The following ECPAS variants were observed in gnomAD, a reference collection of about 807,000 sequenced individuals.
ECPAS encodes Ecm29 proteasome adaptor and scaffold, also known as proteasome adapter and scaffold protein ECM29.
ECPAS carries 70 observed loss-of-function variants against 255.1 expected under a neutral mutation model. That is an observed-to-expected ratio of 0.27 (90% CI 0.23 to 0.33). The LOEUF (loss-of-function observed/expected upper bound fraction) is 0.33. ECPAS is among the 10% of genes least tolerant of loss of function. ECPAS has a pLI of 1.00. For synonymous variants in ECPAS, 784 were observed against 775.0 expected (o/e 1.01, Z -0.19); for missense variants, 1,817 against 2,206.4 (o/e 0.82, Z 3.54).
chr9:111,371,940 G>T, intron 42 of ECPAS, 111 bp from the exon 43 acceptor site: 1 of 737,404 alleles, frequency 1.4e-6, no homozygotes, highest in Non-Finnish European at 2.2e-6. Flanking sequence ...ACTCTCAACT[G>T]TTAAAACACA....
chr9:111,425,555 A>G, intron 11 of ECPAS, 59 bp from the exon 12 acceptor site: 1 of 1,208,346 alleles, frequency 8.3e-7, no homozygotes, highest in South Asian at 1.5e-5. Context: ...ACATATCTTT[A>G]CGGATGATTA....
intron 1 of ECPAS, among the ~76,000 whole-genome samples, chr9:111,481,618 A>G (rs2098305370): frequency 6.6e-6 from 1 of 152,242 alleles, no homozygotes; most frequent in African/African-American, 2.4e-5. Flanking sequence ...AAAGAACTGA[A>G]AGCAAGGTCT....
chr9:111,407,148 T>A lies in ECPAS; in HGVS notation c.2652+1423A>T, dbSNP rs2098185175. 6.2e-5 allele frequency among the ~76,000 whole-genome samples: 9 copies of A among 145,246 alleles called. 1 individual carries two copies. The highest frequency in any genetic ancestry group is 5.4e-4 in the Admixed American group (8 of 14,754). ...TGGGTGCAGTGGTTCACATCTGTAATCCCAGCACTTTGGGAGGCCGAGGTG... is the reference window on the plus strand; with the variant it reads ...TGGGTGCAGTGGTTCACATCTGTAAACCCAGCACTTTGGGAGGCCGAGGTG... On this transcript the variant is annotated intron_variant, in intron 24 of 49. Transcript: ENST00000684092.
At chr9:111,459,671 TAC>T (rs1477423344) in intron 2 of ECPAS, among the ~76,000 whole-genome samples, 2 of 152,200 alleles carry the variant, frequency 1.3e-5, no homozygotes, top group Non-Finnish European at 2.9e-5. Context: ...CATAACTTAG[TAC>T]AAAGTCATAA....
chr9:111,384,494 C>G, intron 34 of ECPAS, 28 bp downstream of exon 34: 1 of 1,604,426 alleles, frequency 6.2e-7, no homozygotes. Flanking sequence ...TGCTCCACTC[C>G]ATTCCCAATG....
At chr9:111,481,081 A>G (rs2098304225) in intron 1 of ECPAS, among the ~76,000 whole-genome samples, 1 of 152,192 alleles carries the variant, frequency 6.6e-6, no homozygotes, top group African/African-American at 2.4e-5. Context: ...AAATCAGACC[A>G]CCTCACACCC....
chr9:111,471,391 G>C (rs982398621), intron 2 of ECPAS, among the ~76,000 whole-genome samples: 3 of 152,122 alleles, frequency 2.0e-5, no homozygotes, highest in Non-Finnish European at 4.4e-5. Flanking sequence ...GTTGAATTCT[G>C]GTTTTAAAAT....
chr9:111,371,145 C>T (rs1357957781), intron 43 of ECPAS, among the ~76,000 whole-genome samples: 1 of 129,672 alleles, frequency 7.7e-6, no homozygotes, highest in Non-Finnish European at 1.8e-5. Context: ...ATGTTCCCCA[C>T]TGAGTGTTCA....
chr9:111,412,028 T>C lies in ECPAS; in HGVS notation c.2200A>G (p.Thr734Ala), dbSNP rs1043254963. The C allele has an allele frequency of 1.3e-6, 2 of 1,562,642 alleles. No individual in the cohort carries two copies. The highest frequency in any genetic ancestry group is 1.7e-6 in the Non-Finnish European group (2 of 1,164,192). Residue 734 changes from threonine to alanine, a missense_variant, in exon 21 of 50, where the codon ACA becomes GCA. By Grantham distance (58) the Thr-to-Ala change is moderately conservative. Around this residue, in one of 4 missense-constraint regions of ECPAS, gnomAD observed 194 missense variants for 152.8 expected, o/e 1.27. Transcript: ENST00000684092. ...KSMIEQLIKT[T>A]KDNHSPEIQH... ...AAATAACATACGTGATTGTCTTTTG[T>C]AGTCTTTATAAGCTGTTCTATCATT...
At chr9:111,378,869 CTTT>C (rs1002733428) in intron 35 of ECPAS, 139 bp from the exon 36 acceptor site, 2 of 727,466 alleles carry the variant, frequency 2.7e-6, no homozygotes, top group Admixed American at 7.3e-5. Context: ...CTGGGCATTA[CTTT>C]TTTTAACTTT....
chr9:111,368,453 C>T (rs1227137036), intron 46 of ECPAS, among the ~76,000 whole-genome samples: 3 of 152,170 alleles, frequency 2.0e-5, no homozygotes, highest in African/African-American at 7.2e-5. Flanking sequence ...ACTCGTCTAT[C>T]AAACTATCTG....
chr9:111,413,721 T>C (rs1688413737), intron 20 of ECPAS, among the ~76,000 whole-genome samples, 174 bp downstream of exon 20: 1 of 152,126 alleles, frequency 6.6e-6, no homozygotes, highest in Non-Finnish European at 1.5e-5. Context: ...TCCAGATGTG[T>C]CAATGAGACA....
chr9:111,417,823 T>A, intron 17 of ECPAS, 60 bp downstream of exon 17: 1 of 1,421,552 alleles, frequency 7.0e-7, no homozygotes, highest in African/African-American at 1.5e-5. Flanking sequence ...ACTTTAAAGA[T>A]GTTTTTATTT....
intron 2 of ECPAS, among the ~76,000 whole-genome samples, chr9:111,470,686 T>C (rs1298956085): frequency 6.7e-6 from 1 of 149,190 alleles, no homozygotes; most frequent in Non-Finnish European, 1.5e-5. Flanking sequence ...CCCTCCCTGA[T>C]CATATTGCTT....
At chr9:111,387,623 A>T (rs565315990) in intron 31 of ECPAS, among the ~76,000 whole-genome samples, 1 of 151,376 alleles carries the variant, frequency 6.6e-6, no homozygotes, top group Non-Finnish European at 1.5e-5. Context: ...CCATCAGTGC[A>T]GTTACTGAGA....
At chr9:111,363,373 AATAAT>A (rs1191517475) in intron 49 of ECPAS, among the ~76,000 whole-genome samples, 4 of 152,196 alleles carry the variant, frequency 2.6e-5, no homozygotes, top group African/African-American at 7.2e-5. Flanking sequence ...ACTATAGCTT[AATAAT>A]ATATTAAAAA....
rs201892482 is a variant in ECPAS, at chr9:111,363,699, A to G, written c.5309-40T>C. 4.0e-5 allele frequency: 37 copies of G among 915,954 alleles called. No homozygotes were observed. The African/African-American group carries it at 5.6e-4, about 14-fold the overall frequency. The allele number at this position is 915,954 out of a possible 1,614,324, so 56.7% of individuals were successfully genotyped here. ...CATACAGTTCATATGGCCTGCCTGAAAAACACAACCTCCAAGATTAAATTT... is the reference window on the plus strand; with the variant it reads ...CATACAGTTCATATGGCCTGCCTGAGAAACACAACCTCCAAGATTAAATTT... On this transcript the variant is annotated intron_variant, in intron 48 of 49. Transcript: ENST00000684092.
At chr9:111,366,126 CCA>C in intron 48 of ECPAS, 111 bp downstream of exon 48, 1 of 675,786 alleles carries the variant, frequency 1.5e-6, no homozygotes, top group Non-Finnish European at 2.6e-6. Context: ...GTAGCAGAGT[CCA>C]GTAGCTATTT....
intron 24 of ECPAS, among the ~76,000 whole-genome samples, chr9:111,404,374 G>C (rs1208268898): frequency 1.3e-5 from 2 of 149,670 alleles, no homozygotes; most frequent in Non-Finnish European, 2.9e-5. Flanking sequence ...GATAAAGTAA[G>C]TTACAGGATA....
Sources: allele counts gnomAD v4.1 joint callset (sites outside exome capture counted in the v4.1 genomes callset), GRCh38; gene constraint gnomAD v4.1.1; regional missense constraint gnomAD v4.1.1; transcripts MANE v1.5; gene names NCBI Gene and HGNC (gene_info 2026-07-23, HGNC 2026-07-21).